The following OR14I1 variants were observed in gnomAD, a reference collection of about 807,000 sequenced individuals.
The protein encoded by OR14I1 is olfactory receptor family 14 subfamily I member 1, also known as olfactory receptor 14I1.
For missense variants in OR14I1, 279 were observed against 181.8 expected, an observed-to-expected ratio of 1.53 and a Z score of -3.07; for synonymous variants, 118 against 71.1, an observed-to-expected ratio of 1.66 and a Z score of -3.32.
At chr1:248,681,353 T>C (rs1469691777) in exon 1 of OR14I1, 1 of 695,084 alleles carries the variant, frequency 1.4e-6, no homozygotes. Context: ...TCTTCTATAG[T>C]AAAGACCAGG....
chr1:248,693,035 G>C, the OR14I1 span, among the ~76,000 whole-genome samples: 1 of 152,194 alleles, frequency 6.6e-6, no homozygotes, highest in African/African-American at 2.4e-5. Flanking sequence ...ATAGGGTACT[G>C]TGTGAGCAGC....
chr1:248,683,671 C>T (rs1206487299), upstream of OR14I1, among the ~76,000 whole-genome samples: 3 of 152,132 alleles, frequency 2.0e-5, no homozygotes, highest in Non-Finnish European at 4.4e-5. Context: ...AATCTTTTGT[C>T]CAAATGCTAT....
the OR14I1 span, among the ~76,000 whole-genome samples, chr1:248,699,948 G>A: frequency 6.6e-6 from 1 of 152,142 alleles, no homozygotes; most frequent in Non-Finnish European, 1.5e-5. Context: ...TATTAGAGAT[G>A]GGGTTTCACC....
chr1:248,694,539 C>T, the OR14I1 span, among the ~76,000 whole-genome samples: 6 of 152,076 alleles, frequency 3.9e-5, no homozygotes, highest in African/African-American at 1.4e-4. Flanking sequence ...TGCTCTACAT[C>T]TTGTTTTTTT....
At chr1:248,702,628 C>G in the OR14I1 span, among the ~76,000 whole-genome samples, 1 of 152,078 alleles carries the variant, frequency 6.6e-6, no homozygotes, top group Non-Finnish European at 1.5e-5. Context: ...CCCCTAGAGC[C>G]TACTCTCATC....
At chr1:248,686,384 T>C (rs1558191502), upstream of OR14I1, among the ~76,000 whole-genome samples, 4 of 152,224 alleles carry the variant, frequency 2.6e-5, no homozygotes, top group East Asian at 5.8e-4. Context: ...TACTTCAGTG[T>C]AGTTTTCTCT....
the OR14I1 span, among the ~76,000 whole-genome samples, chr1:248,696,379 T>C: frequency 6.6e-6 from 1 of 152,206 alleles, no homozygotes; most frequent in Admixed American, 6.5e-5. Flanking sequence ...CATTCTCTGC[T>C]CTGTGCCTGG....
chr1:248,687,153 T>A (rs1407050768), upstream of OR14I1, among the ~76,000 whole-genome samples: 4 of 152,176 alleles, frequency 2.6e-5, no homozygotes, highest in Non-Finnish European at 5.9e-5. Flanking sequence ...AGATTTTCAT[T>A]AAGAGAGTGA....
the OR14I1 span, among the ~76,000 whole-genome samples, chr1:248,693,229 C>T: frequency 6.6e-6 from 1 of 152,152 alleles, no homozygotes; most frequent in South Asian, 2.1e-4. Flanking sequence ...CGGCCAGGAG[C>T]ACTGACTGTT....
the OR14I1 span, among the ~76,000 whole-genome samples, chr1:248,695,132 T>C: frequency 6.6e-6 from 1 of 152,166 alleles, no homozygotes; most frequent in African/African-American, 2.4e-5. Context: ...AAGGTCTCTC[T>C]AACGTTAACC....
chr1:248,680,967 C>CATGT (rs138704339), downstream of OR14I1, among the ~76,000 whole-genome samples: 357 of 147,218 alleles, frequency 2.4e-3, 1 homozygote, highest in African/African-American at 5.5e-3. Flanking sequence ...AAACTGTGTG[C>CATGT]GTGTGTGTGT....
the OR14I1 span, among the ~76,000 whole-genome samples, chr1:248,690,902 G>A: frequency 6.6e-6 from 1 of 152,294 alleles, no homozygotes; most frequent in East Asian, 1.9e-4. Context: ...TCACGATCAA[G>A]TAGGCTTCAT....
exon 1 of OR14I1, chr1:248,681,846 G>A (rs200035502): frequency 5.2e-5 from 41 of 781,048 alleles, no homozygotes; most frequent in South Asian, 2.7e-4. Flanking sequence ...GGACGGCTGC[G>A]TAGGAAAAGC....
the OR14I1 span, chr1:248,691,842 CG>C: frequency 6.6e-6 from 1 of 152,412 alleles, no homozygotes; most frequent in African/African-American, 2.4e-5. Flanking sequence ...ACGCAGCTGC[CG>C]GTCCAGCTGC....
upstream of OR14I1, among the ~76,000 whole-genome samples, chr1:248,684,853 GGAAAAAATAAGTT>G (rs1438459083): frequency 3.6e-4 from 12 of 33,496 alleles, no homozygotes; most frequent in Non-Finnish European, 1.7e-3. Flanking sequence ...GGTAGCGGAG[GGAAAAAATAAGTT>G]GAAAACATTG....
the OR14I1 span, among the ~76,000 whole-genome samples, chr1:248,695,154 C>T: frequency 0.021 from 3,165 of 148,830 alleles, 113 homozygotes; most frequent in African/African-American, 0.073. Context: ...TTGAAATTTT[C>T]GTTATTTTGT....
rs1206594083 is a variant in OR14I1 at position 248,681,661 on chromosome 1, G to A, written c.644C>T (p.Ser215Phe). The A allele has an allele frequency of 3.8e-6, 3 of 781,040 alleles. No homozygotes were observed. The South Asian group carries it at 4.0e-5, about 10-fold the overall frequency. 48.4% of individuals were successfully genotyped at this position (781,040 alleles called of 1,614,324 possible). Reference sequence around the variant, plus strand: ...CACCGTTGAGAAGATTTGGAAATAGGAGATCATCATGAGAATAAAGCATCC... The same window carrying A: ...CACCGTTGAGAAGATTTGGAAATAGAAGATCATCATGAGAATAAAGCATCC... Residue 215 changes from serine to phenylalanine, a missense_variant, in exon 1 of 1, where the codon TCC (serine) becomes TTC (phenylalanine). Ser to Phe is a radical substitution (Grantham distance 155, BLOSUM62 -2). Transcript: ENST00000342623.
chr1:248,699,491 C>T, the OR14I1 span, among the ~76,000 whole-genome samples: 1 of 152,056 alleles, frequency 6.6e-6, no homozygotes, highest in Non-Finnish European at 1.5e-5. Flanking sequence ...GAGACATGGA[C>T]ATGGGGAGAT....
the OR14I1 span, among the ~76,000 whole-genome samples, chr1:248,693,807 G>A: frequency 2.7e-5 from 4 of 150,094 alleles, no homozygotes; most frequent in Non-Finnish European, 2.9e-5. Context: ...TGGGAAAATC[G>A]TCGTTCCTCT....
Sources: allele counts gnomAD v4.1 joint callset (sites outside exome capture counted in the v4.1 genomes callset), GRCh38; gene constraint gnomAD v4.1.1; transcripts MANE v1.5; gene names NCBI Gene and HGNC (gene_info 2026-07-23, HGNC 2026-07-21).